The following ELOVL7 variants were observed in gnomAD, a reference collection of about 807,000 sequenced individuals.
ELOVL7 encodes the protein ELOVL fatty acid elongase 7.
ELOVL7 carries 27 observed loss-of-function variants against 35.7 expected under a neutral mutation model. That is an observed-to-expected ratio of 0.76 (90% CI 0.56 to 1.04). The LOEUF is 1.04. ELOVL7 is among the 50% of genes least tolerant of loss of function. The pLI is 0.00. For missense variants in ELOVL7, 327 were observed against 340.8 expected, an observed-to-expected ratio of 0.96 and a Z score of 0.32; for synonymous variants, 113 against 114.6, an observed-to-expected ratio of 0.99 and a Z score of 0.09.
intron 7 of ELOVL7, among the ~76,000 whole-genome samples, chr5:60,762,764 AG>A (rs1318706686): frequency 6.6e-6 from 1 of 152,218 alleles, no homozygotes; most frequent in East Asian, 1.9e-4. Flanking sequence ...CGCTTAACAA[AG>A]AAGATGAGCT....
intron 6 of ELOVL7, among the ~76,000 whole-genome samples, chr5:60,764,543 G>A (rs780290897): frequency 1.3e-5 from 2 of 151,838 alleles, no homozygotes; most frequent in Non-Finnish European, 2.9e-5. Flanking sequence ...GCCTATACAT[G>A]GAAACACCAA....
chr5:60,775,979 C>T (rs1219078587), intron 3 of ELOVL7, among the ~76,000 whole-genome samples: 1 of 152,122 alleles, frequency 6.6e-6, no homozygotes, highest in Non-Finnish European at 1.5e-5. Flanking sequence ...TAAAAATCAA[C>T]AATTAAGACC....
At chr5:60,835,799 T>C in intron 1 of ELOVL7, among the ~76,000 whole-genome samples, 1 of 152,176 alleles carries the variant, frequency 6.6e-6, no homozygotes, top group East Asian at 1.9e-4. Context: ...CCTTTCACAA[T>C]AACAATATTC....
chr5:60,791,285 C>T (rs1743920348), intron 2 of ELOVL7, among the ~76,000 whole-genome samples: 1 of 151,958 alleles, frequency 6.6e-6, no homozygotes, highest in Admixed American at 6.6e-5. Flanking sequence ...CCAAAATCAG[C>T]CATTTATCAT....
chr5:60,788,359 T>C (rs1222982320), intron 2 of ELOVL7, among the ~76,000 whole-genome samples: 1 of 152,196 alleles, frequency 6.6e-6, no homozygotes, highest in Non-Finnish European at 1.5e-5. Context: ...TGGTGATGGC[T>C]GCACAACAAT....
intron 1 of ELOVL7, among the ~76,000 whole-genome samples, chr5:60,829,361 GT>G (rs1204621101): frequency 1.3e-5 from 2 of 152,002 alleles, no homozygotes; most frequent in Non-Finnish European, 2.9e-5. Flanking sequence ...GATGTTATAA[GT>G]TTTTTTATTT....
At chr5:60,821,023 G>A (rs1278598076) in intron 1 of ELOVL7, among the ~76,000 whole-genome samples, 1 of 152,094 alleles carries the variant, frequency 6.6e-6, no homozygotes, top group Non-Finnish European at 1.5e-5. Flanking sequence ...CGGTAAATTT[G>A]AGTAATAATT....
chr5:60,757,413 G>T, intron 8 of ELOVL7, 96 bp downstream of exon 8: 1 of 1,291,944 alleles, frequency 7.7e-7, no homozygotes, highest in Non-Finnish European at 1.1e-6. Flanking sequence ...CTATTGTTTT[G>T]TCTTTCTTCT....
At chr5:60,764,568 G>T (rs112509903) in intron 6 of ELOVL7, among the ~76,000 whole-genome samples, 41 of 152,040 alleles carry the variant, frequency 2.7e-4, no homozygotes, top group African/African-American at 9.6e-4. Context: ...AAGGCAAAAA[G>T]AAACTTTATG....
At chr5:60,789,583 A>G (rs1273615043) in intron 2 of ELOVL7, among the ~76,000 whole-genome samples, 2 of 152,232 alleles carry the variant, frequency 1.3e-5, no homozygotes, top group African/African-American at 4.8e-5. Flanking sequence ...TTATAAATGC[A>G]TACTTTTAAC....
chr5:60,794,994 G>A (rs1198970507), intron 2 of ELOVL7, among the ~76,000 whole-genome samples: 2 of 152,224 alleles, frequency 1.3e-5, no homozygotes, highest in Non-Finnish European at 2.9e-5. Flanking sequence ...GAGTAAGGGA[G>A]GAGAAGGGTA....
chr5:60,762,754 C>T (rs182272906), intron 7 of ELOVL7, among the ~76,000 whole-genome samples: 7 of 152,230 alleles, frequency 4.6e-5, no homozygotes, highest in East Asian at 3.9e-4. Context: ...GGAGTCAAGA[C>T]GCTTAACAAA....
chr5:60,803,846 A>G (rs1247339890), intron 1 of ELOVL7, among the ~76,000 whole-genome samples: 1 of 152,220 alleles, frequency 6.6e-6, no homozygotes, highest in Non-Finnish European at 1.5e-5. Context: ...CACGTCAAAC[A>G]GAACCTCAAA....
At chr5:60,784,311 A>C in intron 3 of ELOVL7, 1 of 458,188 alleles carries the variant, frequency 2.2e-6, no homozygotes, top group East Asian at 3.0e-5. Flanking sequence ...TTGCAAAAAA[A>C]GGATCATGAC....
At chr5:60,827,872 C>T (rs1255029373) in intron 1 of ELOVL7, among the ~76,000 whole-genome samples, 1 of 152,232 alleles carries the variant, frequency 6.6e-6, no homozygotes, top group South Asian at 2.1e-4. Flanking sequence ...CCTTGGCCTC[C>T]CATCCTTCCT....
chr5:60,783,100 T>C (rs970480618), intron 3 of ELOVL7, among the ~76,000 whole-genome samples: 2 of 152,166 alleles, frequency 1.3e-5, no homozygotes, highest in African/African-American at 4.8e-5. Flanking sequence ...GTGACCGTGA[T>C]GAACTGTCAT....
intron 3 of ELOVL7, among the ~76,000 whole-genome samples, chr5:60,783,589 G>C (rs867872231): frequency 5.9e-5 from 9 of 152,162 alleles, no homozygotes; most frequent in Non-Finnish European, 1.2e-4. Context: ...GCAAAAGTTG[G>C]ATAGCAGGGG....
chr5:60,781,242 A>G (rs996932662), intron 3 of ELOVL7, among the ~76,000 whole-genome samples: 9 of 151,898 alleles, frequency 5.9e-5, no homozygotes, highest in African/African-American at 2.2e-4. Context: ...GAAAAACAAA[A>G]TACCAAAAGA....
chr5:60,837,326 T>TGGGGG (rs1471299589), intron 1 of ELOVL7, among the ~76,000 whole-genome samples: 1 of 25,046 alleles, frequency 4.0e-5, no homozygotes, highest in Non-Finnish European at 7.6e-5. Flanking sequence ...GGGGGGGGAG[T>TGGGGG]GGGGGGTGGG....
Sources: allele counts gnomAD v4.1 joint callset (sites outside exome capture counted in the v4.1 genomes callset), GRCh38; gene constraint gnomAD v4.1.1; transcripts MANE v1.5; gene names NCBI Gene and HGNC (gene_info 2026-07-23, HGNC 2026-07-21).